CD58: variants seen among roughly 807,000 people sequenced by gnomAD.
CD58 encodes lymphocyte function-associated antigen 3.
CD58 carries 14 observed loss-of-function variants against 27.6 expected under a neutral mutation model. That is an observed-to-expected ratio of 0.51 (90% CI 0.34 to 0.79). The LOEUF is 0.79. CD58 is among the 30% of genes least tolerant of loss of function. The pLI is 0.02. For synonymous variants in CD58, 117 were observed against 103.8 expected (o/e 1.13, Z -0.77); for missense variants, 268 against 301.7 (o/e 0.89, Z 0.83).
chr1:116,518,917 T>C, intron 5 of CD58: 4 of 1,050,016 alleles, frequency 3.8e-6, no homozygotes, highest in Non-Finnish European at 4.9e-6. Flanking sequence ...CATCACTTAC[T>C]AGCAACGTGA....
Position 116,532,944 on chromosome 1 carries a change from G to T in CD58, c.628+3021C>A. The stretch of plus-strand genomic sequence containing the variant: ...GCGCCCACCTCCACTTCCTACTGCT[G>T]CTTGCATTCCGCCGGCTGGCTGGGT... On this transcript the variant is annotated intron_variant, in intron 3 of 5. Transcript: ENST00000369489. The surrounding 1 kb of genome is among the most constrained non-coding windows in gnomAD (Gnocchi z 5.1). The T allele has an allele frequency of 9.3e-7, 1 of 1,076,442 alleles. No homozygotes were observed. The highest frequency in any genetic ancestry group is 1.4e-6 in the Non-Finnish European group (1 of 734,274). 66.7% of individuals were successfully genotyped at this position (1,076,442 alleles called of 1,614,324 possible). A position where few individuals can be genotyped will look rare whatever the true frequency, so the allele number is the denominator to read the frequency against.
At chr1:116,549,826 G>A (rs1490771689) in intron 1 of CD58, among the ~76,000 whole-genome samples, 1 of 152,024 alleles carries the variant, frequency 6.6e-6, no homozygotes, top group Non-Finnish European at 1.5e-5. Flanking sequence ...GATACACACA[G>A]GTATAGCTTG....
In CD58 at chr1:116,556,523, G is replaced by A. The variant is rs576790448; in HGVS notation, c.71-11919C>T. On this transcript the variant is annotated intron_variant, in intron 1 of 5. Coordinates refer to ENST00000369489, the MANE Select transcript of CD58 (RefSeq NM_001779.3). ...ACAATCTATAGACAGCATTGGAACA[G>A]CAGATGTTGCAAATGAGAAAGTCAA... Among the ~76,000 whole-genome samples the A allele has an allele frequency of 5.3e-5, 8 of 152,284 alleles. No homozygotes were observed. In the East Asian group the frequency reaches 7.7e-4, roughly 15 times the overall value.
intron 3 of CD58, among the ~76,000 whole-genome samples, chr1:116,525,291 A>G (rs1038473696): frequency 3.9e-5 from 6 of 152,210 alleles, no homozygotes; most frequent in African/African-American, 1.4e-4. Flanking sequence ...TTTGCATAGC[A>G]TGTAGCCTGT....
Position 116,514,826 on chromosome 1 carries a change from C to CAA in CD58, c.744-6_744-5dup. On this transcript the variant is annotated splice_region_variant and splice_polypyrimidine_tract_variant and intron_variant, in intron 5 of 5. Coordinates refer to ENST00000369489, the MANE Select transcript of CD58 (RefSeq NM_001779.3). Reference sequence around the variant, plus strand: ...TTCTGTTACCAATCAATTGGAGCTACAAAAAAAAATCATATTATTAACTTG... The same window carrying CAA: ...TTCTGTTACCAATCAATTGGAGCTACAAAAAAAAAAATCATATTATTAACTTG... 5 of 1,534,708 alleles carry CAA rather than the reference C, an allele frequency of 3.3e-6. No homozygotes were observed. The highest frequency in any genetic ancestry group is 1.2e-5 in the South Asian group (1 of 85,912).
intron 1 of CD58, among the ~76,000 whole-genome samples, chr1:116,553,368 G>T (rs938153895): frequency 6.6e-6 from 1 of 152,066 alleles, no homozygotes; most frequent in Non-Finnish European, 1.5e-5. Context: ...AGACTAGATA[G>T]CAAGAGATCC....
intron 1 of CD58, among the ~76,000 whole-genome samples, chr1:116,549,422 C>G (rs1658311130): frequency 6.6e-6 from 1 of 152,102 alleles, no homozygotes; most frequent in South Asian, 2.1e-4. Flanking sequence ...GACCTTGAAG[C>G]AGGAGCAATG....
chr1:116,523,890 AG>A lies in CD58; in HGVS notation c.629-1908del, dbSNP rs1156235538. Among the ~76,000 whole-genome samples the A allele has an allele frequency of 6.6e-6, 1 of 152,216 alleles. No individual in the cohort carries two copies. Among genetic ancestry groups the A allele is most frequent in the Non-Finnish European group, 1.5e-5 (1 of 68,038 alleles). On this transcript the variant is annotated intron_variant, in intron 3 of 5. Coordinates refer to ENST00000369489, the MANE Select transcript of CD58 (RefSeq NM_001779.3). This position sits in a 1 kb window ranked among gnomAD's most constrained non-coding sequence, Gnocchi z 4.4. The stretch of plus-strand genomic sequence containing the variant: ...TTTCAAAATAATGAGTTAGCTCCCA[AG>A]CATTCTCTAGAGATGACCAGTGAGT...
Position 116,559,509 on chromosome 1 carries a change from C to T in CD58, c.70+11394G>A, listed in dbSNP as rs780427923. ...TTTCCTGATCGATTCCACCCTTAGC[C>T]GGTCCCAGTTAGTGACTTCTCTTAT... On this transcript the variant is annotated intron_variant, in intron 1 of 5. Transcript: ENST00000369489. The surrounding 1 kb of genome is among the most constrained non-coding windows in gnomAD (Gnocchi z 4.4). 3.3e-5 allele frequency among the ~76,000 whole-genome samples: 5 copies of T among 152,136 alleles called. No individual in the cohort carries two copies. Among genetic ancestry groups the T allele is most frequent in the Non-Finnish European group, 5.9e-5 (4 of 68,026 alleles).
chr1:116,549,996 T>C (rs529141193), intron 1 of CD58, among the ~76,000 whole-genome samples: 1 of 152,068 alleles, frequency 6.6e-6, no homozygotes, highest in Non-Finnish European at 1.5e-5. Flanking sequence ...AAAAACACAA[T>C]GTACATATTT....
chr1:116,537,217 T>C (rs1657842900), intron 2 of CD58, among the ~76,000 whole-genome samples: 1 of 152,220 alleles, frequency 6.6e-6, no homozygotes, highest in Non-Finnish European at 1.5e-5. Flanking sequence ...TCTAGCTCAC[T>C]ACACACAGTG....
chr1:116,533,508 C>T (rs1131078), intron 3 of CD58: 3 of 733,660 alleles, frequency 4.1e-6, no homozygotes, highest in South Asian at 4.1e-5. Context: ...GGTCAGAAAA[C>T]TTCACTTTAA....
At chr1:116,540,603 C>T (rs1282891301) in intron 2 of CD58, among the ~76,000 whole-genome samples, 1 of 152,084 alleles carries the variant, frequency 6.6e-6, no homozygotes, top group Non-Finnish European at 1.5e-5. Flanking sequence ...GACACAATGG[C>T]TCCCCACTGC....
intron 1 of CD58, among the ~76,000 whole-genome samples, chr1:116,561,356 G>A (rs1658744602): frequency 6.6e-6 from 1 of 152,296 alleles, no homozygotes; most frequent in South Asian, 2.1e-4. Context: ...ACGGGTAAAA[G>A]TTAGGTGATG....
chr1:116,562,924 T>C (rs1052917701), intron 1 of CD58, among the ~76,000 whole-genome samples: 97 of 152,234 alleles, frequency 6.4e-4, no homozygotes, highest in African/African-American at 2.1e-3. Flanking sequence ...ATAATGCCCT[T>C]CCAACAGTCC....
rs151204576 is a variant in CD58 at position 116,563,376 on chromosome 1, C to T, written c.70+7527G>A. 7.6e-3 allele frequency among the ~76,000 whole-genome samples: 1,123 copies of T among 148,562 alleles called. 11 individuals carry two copies. The highest frequency in any genetic ancestry group is 0.018 in the South Asian group (81 of 4,606). On this transcript the variant is annotated intron_variant, in intron 1 of 5. Coordinates refer to ENST00000369489, the MANE Select transcript of CD58 (RefSeq NM_001779.3). This position sits in a 1 kb window ranked among gnomAD's most constrained non-coding sequence, Gnocchi z 4.1. ...CAAGCTCTCGGTGGATCTACCATTC[C>T]GGGGTCTGGTGGATGATGGCCCTCT...
At chr1:116,530,597 G>T (rs1307295268) in intron 3 of CD58, among the ~76,000 whole-genome samples, 1 of 152,160 alleles carries the variant, frequency 6.6e-6, no homozygotes, top group African/African-American at 2.4e-5. Flanking sequence ...TATTTGAAGG[G>T]TTTGCTAAAG....
chr1:116,525,306 A>G (rs904850708), intron 3 of CD58, among the ~76,000 whole-genome samples: 1 of 152,206 alleles, frequency 6.6e-6, no homozygotes, highest in African/African-American at 2.4e-5. Context: ...GCCTGTTCAG[A>G]TTGGATTCTT....
intron 1 of CD58, among the ~76,000 whole-genome samples, chr1:116,567,317 G>GT (rs545147336): frequency 1.7e-3 from 251 of 148,914 alleles, no homozygotes; most frequent in Middle Eastern, 3.5e-3. Context: ...AGGGACAAGG[G>GT]TGGGGGAAGA....
Sources: gnomAD v4.1 joint callset for allele counts (sites outside exome capture counted in the v4.1 genomes callset) on GRCh38, gnomAD v4.1.1 for gene constraint, Gnocchi (gnomAD v3.1) non-coding constraint, MANE v1.5 for transcripts, NCBI Gene and HGNC (gene_info 2026-07-23, HGNC 2026-07-21) for gene names.